PATJ: variants seen among roughly 807,000 people sequenced by gnomAD.
PATJ encodes inaD-like protein.
A neutral mutation model predicts 224.9 loss-of-function variants in PATJ; 190 were observed. That is an observed-to-expected ratio of 0.84 (90% CI 0.75 to 0.95). PATJ has a LOEUF of 0.95. Among genes scored for constraint, PATJ ranks in the 40% least tolerant of loss-of-function variants. PATJ has a pLI of 0.00. For missense variants in PATJ, 2,121 were observed against 2,270.3 expected, an observed-to-expected ratio of 0.93 and a Z score of 1.34; for synonymous variants, 769 against 820.3, an observed-to-expected ratio of 0.94 and a Z score of 1.07.
chr1:61,880,951 G>A (rs528909206), intron 21 of PATJ, among the ~76,000 whole-genome samples: 7 of 152,198 alleles, frequency 4.6e-5, no homozygotes, highest in South Asian at 2.1e-4. Context: ...AAAATTAGCC[G>A]GGCATGGTGG....
intron 10 of PATJ, 68 bp downstream of exon 10, chr1:61,795,626 A>G: frequency 1.1e-6 from 1 of 904,890 alleles, no homozygotes; most frequent in Non-Finnish European, 1.8e-6. Context: ...ATTATAATAC[A>G]TGTGAGAGGG....
At chr1:61,804,007 C>A (rs1653056656) in intron 12 of PATJ, among the ~76,000 whole-genome samples, 1 of 151,894 alleles carries the variant, frequency 6.6e-6, no homozygotes. Flanking sequence ...AAAATATAGT[C>A]AAAAAAATTG....
At chr1:61,749,741 T>G (rs1474453509) in intron 1 of PATJ, among the ~76,000 whole-genome samples, 1 of 151,830 alleles carries the variant, frequency 6.6e-6, no homozygotes, top group Non-Finnish European at 1.5e-5. Flanking sequence ...TGCAGTGGTG[T>G]GATCATGGCT....
At chr1:61,770,629 G>A (rs1426765555) in intron 5 of PATJ, among the ~76,000 whole-genome samples, 1 of 152,072 alleles carries the variant, frequency 6.6e-6, no homozygotes, top group African/African-American at 2.4e-5. Flanking sequence ...TGGGAGATTG[G>A]TGCTTGGGAG....
At chr1:61,795,640 A>G in intron 10 of PATJ, 82 bp downstream of exon 10, 1 of 724,418 alleles carries the variant, frequency 1.4e-6, no homozygotes, top group Admixed American at 2.8e-5. Context: ...GAGAGGGGGA[A>G]TAGCTTAATA....
intron 39 of PATJ, among the ~76,000 whole-genome samples, chr1:62,127,622 A>G (rs370242358): frequency 9.9e-5 from 15 of 152,244 alleles, no homozygotes; most frequent in African/African-American, 2.9e-4. Context: ...CCTGGCCAAC[A>G]TGGTGAAGCC....
chr1:61,994,544 A>T (rs1414986325), intron 28 of PATJ, among the ~76,000 whole-genome samples: 8 of 151,424 alleles, frequency 5.3e-5, no homozygotes, highest in Non-Finnish European at 1.0e-4. Context: ...GGAAAAATGC[A>T]TATACAGGAT....
chr1:61,980,203 T>A (rs1239924213), intron 27 of PATJ, among the ~76,000 whole-genome samples: 1 of 151,978 alleles, frequency 6.6e-6, no homozygotes, highest in Non-Finnish European at 1.5e-5. Context: ...GAGGATTGCT[T>A]GAGCCCAGGA....
In PATJ at chr1:62,161,003, C is replaced by T. The variant is rs1570889829; in HGVS notation, c.5598C>T (p.Val1866=). The change falls in exon 44 of 44, where the codon GTC becomes GTT. Residue 1866 remains valine (V), a synonymous_variant. Coordinates refer to ENST00000642238, the MANE Select transcript of PATJ (RefSeq NM_001350145.3). ...AAGGTGTTACTCATGAGCAAGCAGT[C>T]GCCATTCTAAAACACCAGAGAGGGA... ...TLEGVTHEQA[V]AILKHQRGTV... is the part of the protein sequence containing the mutation. 6 of 1,608,920 alleles carry T rather than the reference C, an allele frequency of 3.7e-6. No homozygotes were observed. Among genetic ancestry groups the T allele is most frequent in the East Asian group, 2.2e-5 (1 of 44,852 alleles).
intron 33 of PATJ, among the ~76,000 whole-genome samples, chr1:62,096,869 G>T (rs200149096): frequency 6.6e-6 from 1 of 151,954 alleles, no homozygotes; most frequent in Non-Finnish European, 1.5e-5. Context: ...CACCTGCCTC[G>T]GCCTCCCAAA....
intron 15 of PATJ, among the ~76,000 whole-genome samples, chr1:61,827,051 G>C (rs1393363448): frequency 1.3e-5 from 2 of 152,140 alleles, no homozygotes; most frequent in Non-Finnish European, 2.9e-5. Flanking sequence ...ATGATACTTA[G>C]TGTGTTTAAG....
At chr1:61,864,167 T>A in intron 19 of PATJ, 71 bp from the exon 20 acceptor site, 1 of 1,363,286 alleles carries the variant, frequency 7.3e-7, no homozygotes, top group South Asian at 1.4e-5. Flanking sequence ...TTGAAAATTT[T>A]CCAGTTTATC....
intron 36 of PATJ, 114 bp downstream of exon 36, chr1:62,116,793 CTAGAAATT>C (rs1664490918): frequency 1.0e-6 from 1 of 981,492 alleles, no homozygotes; most frequent in Non-Finnish European, 1.5e-6. Context: ...CTAGTTTTTA[CTAGAAATT>C]TAATCTCTGA....
At chr1:62,078,368 T>A (rs1658686841) in intron 31 of PATJ, among the ~76,000 whole-genome samples, 1 of 152,164 alleles carries the variant, frequency 6.6e-6, no homozygotes, top group South Asian at 2.1e-4. Flanking sequence ...CTGCAACCTC[T>A]GCCTCCTGGG....
At chr1:61,835,997 G>C (rs1660118386) in intron 17 of PATJ, among the ~76,000 whole-genome samples, 1 of 152,028 alleles carries the variant, frequency 6.6e-6, no homozygotes, top group Non-Finnish European at 1.5e-5. Context: ...GCTCTTAACT[G>C]ACATTATCTG....
At position 62,098,219 on chromosome 1, in the gene PATJ, C is replaced by T. The variant is rs921975985; in HGVS notation, c.4378-10218C>T. ...TTAAAAATACAAAAAATTAGCCAGGCATGGTGGTGGGTGCCTGTAGTTCCA... is the reference window on the plus strand; with the variant it reads ...TTAAAAATACAAAAAATTAGCCAGGTATGGTGGTGGGTGCCTGTAGTTCCA... On this transcript the variant is annotated intron_variant, in intron 33 of 43. Coordinates refer to ENST00000642238, the MANE Select transcript of PATJ (RefSeq NM_001350145.3). Among the ~76,000 whole-genome samples, 31 of 151,632 alleles carry T rather than the reference C, an allele frequency of 2.0e-4. No individual in the cohort carries two copies. In the East Asian group the frequency reaches 2.5e-3, roughly 12 times the overall value.
chr1:61,842,361 T>G (rs1196392283), intron 17 of PATJ, among the ~76,000 whole-genome samples: 1 of 152,194 alleles, frequency 6.6e-6, no homozygotes, highest in Non-Finnish European at 1.5e-5. Context: ...AATACGAATG[T>G]GGCAAAAAAT....
intron 11 of PATJ, among the ~76,000 whole-genome samples, chr1:61,800,896 C>G (rs941739609): frequency 3.3e-5 from 5 of 152,196 alleles, no homozygotes; most frequent in African/African-American, 4.8e-5. Context: ...CATGTCCCTA[C>G]AAAGGACATG....
intron 43 of PATJ, among the ~76,000 whole-genome samples, chr1:62,156,264 C>T (rs1392250237): frequency 4.0e-5 from 6 of 151,580 alleles, no homozygotes; most frequent in African/African-American, 1.5e-4. Flanking sequence ...CATGGTGGCT[C>T]ACGCCTGTAA....
Sources: gnomAD v4.1 joint callset for allele counts (sites outside exome capture counted in the v4.1 genomes callset) on GRCh38, gnomAD v4.1.1 for gene constraint, MANE v1.5 for transcripts, NCBI Gene and HGNC (gene_info 2026-07-23, HGNC 2026-07-21) for gene names.